LDLRAD4: variants seen among roughly 807,000 people sequenced by gnomAD.
The protein encoded by LDLRAD4 is low-density lipoprotein receptor class A domain-containing protein 4.
LDLRAD4 carries 5 observed loss-of-function variants against 17.0 expected under a neutral mutation model. The observed-to-expected ratio is 0.29, with a 90% CI of 0.15 to 0.62. The LOEUF (loss-of-function observed/expected upper bound fraction) is 0.62. Among genes scored for constraint, LDLRAD4 ranks in the 20% least tolerant of loss-of-function variants. The pLI is 0.84. For missense variants in LDLRAD4, 340 were observed against 424.7 expected (o/e 0.80, Z 1.75); for synonymous variants, 168 against 171.8 (o/e 0.98, Z 0.17).
rs143218755 is a variant in LDLRAD4 at position 13,627,213 on chromosome 18, A to T, written c.336+5942A>T. Among the ~76,000 whole-genome samples the T allele has an allele frequency of 3.4e-3, 517 of 152,346 alleles. 5 individuals carry two copies. The highest frequency in any genetic ancestry group is 0.034 in the South Asian group (163 of 4,830). Reference sequence around the variant, plus strand: ...GAGGCAGAGGTTGCAGTGAGCTGAGATCACGCCATTGCACTCCAGCCTGGC... The same window carrying T: ...GAGGCAGAGGTTGCAGTGAGCTGAGTTCACGCCATTGCACTCCAGCCTGGC... On this transcript the variant is annotated intron_variant, in intron 4 of 5. Coordinates refer to ENST00000359446, the Ensembl canonical transcript of LDLRAD4.
At chr18:13,470,804 A>G (rs563137334) in intron 3 of LDLRAD4, 1 of 151,862 alleles carries the variant, frequency 6.6e-6, no homozygotes, top group South Asian at 2.1e-4. Flanking sequence ...CTCACTCCCC[A>G]TGCGCTGCCC....
chr18:13,633,621 A>G (rs1009339594), intron 4 of LDLRAD4, among the ~76,000 whole-genome samples: 2 of 152,212 alleles, frequency 1.3e-5, no homozygotes, highest in African/African-American at 4.8e-5. Context: ...ACCTGGCCAA[A>G]TTGTGACACA....
intron 1 of LDLRAD4, among the ~76,000 whole-genome samples, chr18:13,364,775 T>C (rs1205370817): frequency 6.6e-6 from 1 of 152,208 alleles, no homozygotes; most frequent in Non-Finnish European, 1.5e-5. Flanking sequence ...AGTGGTATTA[T>C]ACTCATGTGT....
rs138612277 is a variant in LDLRAD4, at chr18:13,280,375, A to C, written c.-383+2187A>C. On this transcript the variant is annotated intron_variant, in intron 1 of 5. Transcript: ENST00000359446. ...TTTATCTCATGGAATTACTTTGAAGATGCCTAATTCAGCATTCCATGCACA... is the reference window on the plus strand; with the variant it reads ...TTTATCTCATGGAATTACTTTGAAGCTGCCTAATTCAGCATTCCATGCACA... 1.2e-3 allele frequency among the ~76,000 whole-genome samples: 178 copies of C among 152,338 alleles called. 2 individuals carry two copies. The East Asian group carries it at 0.027, about 23-fold the overall frequency.
chr18:13,478,158 C>G (rs2092994043), intron 3 of LDLRAD4, among the ~76,000 whole-genome samples: 1 of 152,186 alleles, frequency 6.6e-6, no homozygotes, highest in African/African-American at 2.4e-5. Flanking sequence ...TCCCCCAGAC[C>G]CTCTTGACTC....
At chr18:13,337,219 C>T (rs373656280) in intron 1 of LDLRAD4, among the ~76,000 whole-genome samples, 64 of 152,288 alleles carry the variant, frequency 4.2e-4, no homozygotes, top group South Asian at 4.1e-3. Flanking sequence ...CAGTCCCATT[C>T]GCGCACTCAT....
At chr18:13,581,331 C>A (rs1029033663) in intron 3 of LDLRAD4, among the ~76,000 whole-genome samples, 9 of 152,166 alleles carry the variant, frequency 5.9e-5, no homozygotes, top group African/African-American at 2.2e-4. Context: ...TAATACATTT[C>A]TGCTAGTTGT....
In LDLRAD4 at chr18:13,409,131, G is replaced by A. The variant is rs936242685; in HGVS notation, c.40+21369G>A. On this transcript the variant is annotated intron_variant, in intron 2 of 5. Transcript: ENST00000359446. ...TCTGCCTGTTTTCCACATTACCTCCGTGACATGGTATAATCACACTGTTTA... is the reference window on the plus strand; with the variant it reads ...TCTGCCTGTTTTCCACATTACCTCCATGACATGGTATAATCACACTGTTTA... Among the ~76,000 whole-genome samples, 36 of 152,212 alleles carry A rather than the reference G, an allele frequency of 2.4e-4. No homozygotes were observed. In the Middle Eastern group the frequency reaches 0.014, roughly 58 times the overall value.
chr18:13,415,272 T>C (rs544771962), intron 2 of LDLRAD4, among the ~76,000 whole-genome samples: 1 of 152,358 alleles, frequency 6.6e-6, no homozygotes, highest in East Asian at 1.9e-4. Flanking sequence ...TCTTATGACC[T>C]GAGAAAGGTC....
chr18:13,520,748 G>A (rs2093940554), intron 3 of LDLRAD4: 1 of 152,316 alleles, frequency 6.6e-6, no homozygotes, highest in South Asian at 2.1e-4. Context: ...ACCTACTCAG[G>A]AGGCTGAGGC....
At chr18:13,269,666 G>A (rs1009204186) in intron 1 of LDLRAD4, among the ~76,000 whole-genome samples, 3 of 152,056 alleles carry the variant, frequency 2.0e-5, no homozygotes, top group Non-Finnish European at 2.9e-5. Flanking sequence ...GCTGTCCGAC[G>A]TCATGTGCTC....
At chr18:13,395,984 A>G (rs1455704287) in intron 2 of LDLRAD4, among the ~76,000 whole-genome samples, 2 of 152,148 alleles carry the variant, frequency 1.3e-5, no homozygotes, top group Non-Finnish European at 2.9e-5. Context: ...AGGGTCTTCA[A>G]ACTTGGCTAG....
intron 3 of LDLRAD4, among the ~76,000 whole-genome samples, chr18:13,617,248 A>G (rs2040178161): frequency 6.6e-6 from 1 of 152,148 alleles, no homozygotes; most frequent in Non-Finnish European, 1.5e-5. Flanking sequence ...TTTTACAGAG[A>G]GTAATTCCAT....
chr18:13,455,994 C>A (rs1338252489), intron 3 of LDLRAD4, among the ~76,000 whole-genome samples: 1 of 152,134 alleles, frequency 6.6e-6, no homozygotes, highest in Non-Finnish European at 1.5e-5. Flanking sequence ...GAGCGCCCGC[C>A]ATGTCCCGCG....
chr18:13,430,483 C>T (rs2090257852), intron 2 of LDLRAD4, among the ~76,000 whole-genome samples: 2 of 151,884 alleles, frequency 1.3e-5, no homozygotes, highest in African/African-American at 4.8e-5. Flanking sequence ...ATACAAGGCT[C>T]TTCACAATGG....
chr18:13,445,662 G>C (rs886540262), intron 3 of LDLRAD4, among the ~76,000 whole-genome samples: 2 of 151,592 alleles, frequency 1.3e-5, no homozygotes, highest in African/African-American at 2.4e-5. Flanking sequence ...GTGCATGAGT[G>C]TGTTTGCGTG....
chr18:13,583,525 A>G (rs928661644), intron 3 of LDLRAD4, among the ~76,000 whole-genome samples: 8 of 152,218 alleles, frequency 5.3e-5, no homozygotes, highest in Non-Finnish European at 1.0e-4. Flanking sequence ...AATAAGTGTT[A>G]TTAGAGTTCC....
intron 1 of LDLRAD4, among the ~76,000 whole-genome samples, chr18:13,346,823 A>G (rs1273244364): frequency 6.6e-6 from 1 of 152,160 alleles, no homozygotes; most frequent in African/African-American, 2.4e-5. Flanking sequence ...TCCCTTTACC[A>G]TTATGTAATG....
At chr18:13,439,471 G>T (rs2090885204) in intron 3 of LDLRAD4, among the ~76,000 whole-genome samples, 1 of 152,168 alleles carries the variant, frequency 6.6e-6, no homozygotes, top group Non-Finnish European at 1.5e-5. Flanking sequence ...ATTCCCATTT[G>T]CATTTTCTCC....
Sources: gnomAD v4.1 joint callset for allele counts (sites outside exome capture counted in the v4.1 genomes callset) on GRCh38, gnomAD v4.1.1 for gene constraint, MANE v1.5 for transcripts, NCBI Gene and HGNC (gene_info 2026-07-23, HGNC 2026-07-21) for gene names.